SPECC1: variants seen among roughly 807,000 people sequenced by gnomAD.
SPECC1 encodes sperm antigen with calponin homology and coiled-coil domains 1, also known as cytospin-B.
Under a neutral mutation model 104.1 loss-of-function variants are expected in SPECC1, and 62 were observed. That is an observed-to-expected ratio of 0.60 (90% confidence interval 0.49 to 0.74). The LOEUF is 0.74. SPECC1 is among the 30% of genes least tolerant of loss of function. The pLI is 0.00. For synonymous variants in SPECC1, 513 were observed against 501.6 expected, an observed-to-expected ratio of 1.02 and a Z score of -0.30; for missense variants, 1,306 against 1,310.5, an observed-to-expected ratio of 1.00 and a Z score of 0.05.
chr17:20,205,890 A>C lies in SPECC1; in HGVS notation c.1841A>C (p.His614Pro). The C allele has an allele frequency of 6.2e-7, 1 of 1,611,654 alleles. No individual in the cohort carries two copies. The highest frequency in any genetic ancestry group is 8.5e-7 in the Non-Finnish European group (1 of 1,179,542). The change falls in exon 4 of 15, where the codon CAT (histidine) becomes CCT (proline). Residue 614 changes from histidine to proline, a missense_variant. Coordinates refer to ENST00000395527, the MANE Select transcript of SPECC1 (RefSeq NM_001243439.2). Reference sequence around the variant, plus strand: ...CTAAAGGCAAACGGTGAAATTAAACATGTTTCCAGTCTGCTGGCCAAGGTG... The same window carrying C: ...CTAAAGGCAAACGGTGAAATTAAACCTGTTTCCAGTCTGCTGGCCAAGGTG... ...ELLKANGEIK[H>P]VSSLLAKVEK...
rs555559662 is a variant in SPECC1 at position 20,279,565 on chromosome 17, G to A, written c.2941-17396G>A. Among the ~76,000 whole-genome samples, 105 of 152,140 alleles carry A rather than the reference G, an allele frequency of 6.9e-4. 1 individual carries two copies. The highest frequency in any genetic ancestry group is 2.4e-3 in the African/African-American group (100 of 41,510). On this transcript the variant is annotated intron_variant, in intron 12 of 14. Transcript: ENST00000395527. ...TTGAACTCCCGACCTCAGGTGATCC[G>A]CCTGCCTTGGCCTCCCAAAGTGTTG... is the stretch of plus-strand genomic sequence containing the variant.
intron 3 of SPECC1, chr17:20,112,362 T>C (rs997977533): frequency 2.6e-6 from 2 of 757,104 alleles, no homozygotes; most frequent in African/African-American, 1.7e-5. Flanking sequence ...GACTCATTGA[T>C]TGAACACCTA....
At chr17:20,130,516 C>T (rs1290816682) in intron 3 of SPECC1, among the ~76,000 whole-genome samples, 3 of 152,182 alleles carry the variant, frequency 2.0e-5, no homozygotes, top group Non-Finnish European at 2.9e-5. Flanking sequence ...GCCTAGGTGA[C>T]AGAGCGAGAC....
chr17:20,153,255 A>G (rs1317115575), intron 3 of SPECC1, among the ~76,000 whole-genome samples: 2 of 152,194 alleles, frequency 1.3e-5, no homozygotes, highest in African/African-American at 2.4e-5. Context: ...AGCTGGCTCA[A>G]CATTGCTGTA....
intron 5 of SPECC1, among the ~76,000 whole-genome samples, chr17:20,227,967 G>C (rs188389244): frequency 1.5e-4 from 20 of 136,768 alleles, no homozygotes; most frequent in East Asian, 9.7e-4. Context: ...TGGGTGACGA[G>C]GGGGGGTGGG....
chr17:20,139,305 C>T (rs1160193742), intron 3 of SPECC1, among the ~76,000 whole-genome samples: 1 of 152,222 alleles, frequency 6.6e-6, no homozygotes, highest in Admixed American at 6.5e-5. Context: ...TCCAGAAACA[C>T]TCCTCCCACT....
At chr17:20,051,141 C>T (rs141516865) in intron 1 of SPECC1, among the ~76,000 whole-genome samples, 290 of 90,306 alleles carry the variant, frequency 3.2e-3, no homozygotes, top group African/African-American at 0.011. Context: ...TCTTTCTTTC[C>T]TTCTTTCCTT....
At chr17:20,239,309 TC>T in intron 7 of SPECC1, 1 of 1,010,036 alleles carries the variant, frequency 9.9e-7, no homozygotes, top group Non-Finnish European at 1.2e-6. Context: ...ATCTTTCTTC[TC>T]CCTCAGTACC....
intron 12 of SPECC1, among the ~76,000 whole-genome samples, chr17:20,263,901 G>A (rs1296985260): frequency 1.3e-5 from 2 of 152,320 alleles, no homozygotes; most frequent in East Asian, 3.9e-4. Context: ...GTGTGTGTGT[G>A]TGTGTGAACA....
At chr17:20,112,408 T>C in intron 3 of SPECC1, 1 of 763,002 alleles carries the variant, frequency 1.3e-6, no homozygotes, top group South Asian at 1.3e-5. Flanking sequence ...CACCGGAGGA[T>C]CATTCACCAA....
Position 20,204,591 on chromosome 17 carries a change from A to G in SPECC1, c.542A>G (p.Asp181Gly). The change falls in exon 4 of 15, where the codon GAT becomes GGT. Residue 181 changes from aspartate (D) to glycine (G), a missense_variant. By Grantham distance (94) the Asp-to-Gly change is moderately conservative (BLOSUM62 -1). Coordinates refer to ENST00000395527, the MANE Select transcript of SPECC1 (RefSeq NM_001243439.2). ...RELLAEAKAK[D>G]SEINRLRSEL... Reference sequence around the variant, plus strand: ...CTTTTGGCAGAAGCCAAAGCAAAAGATAGTGAAATTAACAGGCTTCGAAGT... The same window carrying G: ...CTTTTGGCAGAAGCCAAAGCAAAAGGTAGTGAAATTAACAGGCTTCGAAGT... 1.9e-6 allele frequency: 3 copies of G among 1,614,234 alleles called. No individual in the cohort carries two copies. The highest frequency in any genetic ancestry group is 2.5e-6 in the Non-Finnish European group (3 of 1,180,042).
intron 3 of SPECC1, among the ~76,000 whole-genome samples, chr17:20,166,953 A>T (rs909974637): frequency 1.7e-4 from 26 of 151,962 alleles, no homozygotes; most frequent in East Asian, 3.9e-4. Context: ...ACAAAAAAAA[A>T]TTTTTTTAAT....
intron 2 of SPECC1, among the ~76,000 whole-genome samples, chr17:20,107,429 T>C (rs886665046): frequency 2.0e-5 from 3 of 150,826 alleles, no homozygotes; most frequent in African/African-American, 7.3e-5. Flanking sequence ...GGCAACATAG[T>C]GAGATCCTGT....
At chr17:20,257,683 C>T in intron 11 of SPECC1, 76 bp downstream of exon 11, 1 of 1,551,452 alleles carries the variant, frequency 6.4e-7, no homozygotes, top group South Asian at 1.2e-5. Flanking sequence ...CGTTTTGTCC[C>T]CGTGGCCAAT....
chr17:20,030,451 T>C (rs1241923582), intron 1 of SPECC1, among the ~76,000 whole-genome samples: 1 of 152,146 alleles, frequency 6.6e-6, no homozygotes, highest in Admixed American at 6.5e-5. Context: ...TTCCCTGTTA[T>C]ATTACTTTAC....
intron 10 of SPECC1, among the ~76,000 whole-genome samples, chr17:20,255,707 G>T (rs1316105582): frequency 6.6e-6 from 1 of 152,074 alleles, no homozygotes; most frequent in Non-Finnish European, 1.5e-5. Context: ...TGGGACTAGA[G>T]GTGCATGTCA....
intron 3 of SPECC1, among the ~76,000 whole-genome samples, chr17:20,127,764 T>C (rs1412390923): frequency 6.6e-6 from 1 of 152,162 alleles, no homozygotes; most frequent in East Asian, 1.9e-4. Context: ...CTTTAGTGCC[T>C]GTTGGAAGGT....
At chr17:20,022,783 G>A (rs2044445026) in intron 1 of SPECC1, among the ~76,000 whole-genome samples, 1 of 152,124 alleles carries the variant, frequency 6.6e-6, no homozygotes, top group African/African-American at 2.4e-5. Flanking sequence ...TGTATGTGAG[G>A]CAATACCTTA....
At chr17:20,186,967 A>G (rs137899314) in intron 3 of SPECC1, among the ~76,000 whole-genome samples, 1,897 of 152,096 alleles carry the variant, frequency 0.012, 21 homozygotes, top group Non-Finnish European at 0.019. Context: ...CACCAGTTCT[A>G]TGTGCTGTAT....
Sources: allele counts gnomAD v4.1 joint callset (sites outside exome capture counted in the v4.1 genomes callset), GRCh38; gene constraint gnomAD v4.1.1; transcripts MANE v1.5; gene names NCBI Gene and HGNC (gene_info 2026-07-23, HGNC 2026-07-21).